Variants in PASK observed in about 807,000 individuals in gnomAD.
PASK encodes the protein PAS domain-containing serine/threonine-protein kinase.
In PASK, 110 loss-of-function variants were observed where a neutral mutation model predicts 121.0. The observed-to-expected ratio is 0.91, with a 90% confidence interval of 0.78 to 1.06. The LOEUF (loss-of-function observed/expected upper bound fraction) is 1.06, where lower values mean the gene tolerates loss of function less well. PASK is among the 50% of genes least tolerant of loss of function. The probability of loss-of-function intolerance (pLI) is 0.00; values close to 1 mark genes in which losing one functional copy is unlikely to be tolerated. For synonymous variants in PASK, 686 were observed against 717.8 expected (o/e 0.96, Z 0.71); for missense variants, 1,643 against 1,702.3 (o/e 0.97, Z 0.61).
chr2:241,131,139 G>C (rs1390940028), intron 9 of PASK, among the ~76,000 whole-genome samples: 3 of 151,116 alleles, frequency 2.0e-5, no homozygotes, highest in African/African-American at 7.3e-5. Context: ...AAACACATAT[G>C]CATGTATTAC....
rs775476953 is a variant in PASK, at chr2:241,115,288, C to G, written c.3198G>C (p.Lys1066Asn). Residue 1066 changes from lysine to asparagine, a missense_variant and splice_region_variant, in exon 13 of 18, where the codon AAG becomes AAC. By Grantham distance (94) the Lys-to-Asn change is moderately conservative (BLOSUM62 0). Transcript: ENST00000234040. Reference protein sequence around the residue: ...LSRVEHANIIKVLDIFENQGF... With the variant: ...LSRVEHANIINVLDIFENQGF... Reference sequence around the variant, plus strand: ...GTATCTCTGAAGAGGAAACCATCACCTTGATGATATTGGCGTGCTCCACCC... The same window carrying G: ...GTATCTCTGAAGAGGAAACCATCACGTTGATGATATTGGCGTGCTCCACCC... 1 of 1,613,926 alleles carries G rather than the reference C, an allele frequency of 6.2e-7. No homozygotes were observed. The highest frequency in any genetic ancestry group is 1.3e-5 in the African/African-American group (1 of 74,868).
At position 241,107,352 on chromosome 2, in the gene PASK, C is replaced by G; in HGVS notation, c.3814+1G>C. 6.2e-7 allele frequency: 1 copy of G among 1,613,684 alleles called. No individual in the cohort carries two copies. The highest frequency in any genetic ancestry group is 8.5e-7 in the Non-Finnish European group (1 of 1,179,602). On this transcript the variant is annotated splice_donor_variant, in intron 17 of 17. Transcript: ENST00000234040. LOFTEE classifies it high-confidence loss of function. ...GGTGGAGGGATGCTGAGAAGCCTCACCTGGCTTGTTTACTCGAAACACCTC... is the reference window on the plus strand; with the variant it reads ...GGTGGAGGGATGCTGAGAAGCCTCAGCTGGCTTGTTTACTCGAAACACCTC...
intron 9 of PASK, 115 bp from the exon 10 acceptor site, chr2:241,127,566 A>G: frequency 1.1e-6 from 1 of 912,298 alleles, no homozygotes; most frequent in South Asian, 1.4e-5. Flanking sequence ...ACCAATTTAT[A>G]ACAAGAAAAA....
rs1419940636 is a variant in PASK, at chr2:241,133,025, T to C, written c.1312A>G (p.Arg438Gly). The C allele has an allele frequency of 1.9e-6, 3 of 1,614,154 alleles. No individual in the cohort carries two copies. Among genetic ancestry groups the C allele is most frequent in the Non-Finnish European group, 2.5e-6 (3 of 1,179,998 alleles). ...QDPAEGGQDP[R>G]INVVLAGGHV... is the part of the protein sequence containing the mutation. ...CCACCAGCAAGCACGACATTAATCC[T>C]TGGATCTGGCAGCAACACCAAAAAA... The change falls in exon 9 of 18, where the codon AGG becomes GGG. Residue 438 changes from arginine to glycine, a missense_variant. This residue lies in a region of PASK where 1,176 missense variants were observed against 1,162.2 expected (regional missense o/e 1.01). Transcript: ENST00000234040.
At chr2:241,144,959 GGTGGA>G (rs774129814) in intron 1 of PASK, among the ~76,000 whole-genome samples, 1 of 152,124 alleles carries the variant, frequency 6.6e-6, no homozygotes, top group African/African-American at 2.4e-5. Context: ...TGTCGCCCAG[GGTGGA>G]GTGCAGTGGC....
At chr2:241,132,660 T>C (rs984116261) in intron 9 of PASK, among the ~76,000 whole-genome samples, 102 of 151,690 alleles carry the variant, frequency 6.7e-4, no homozygotes, top group African/African-American at 2.4e-3. Context: ...AGTAACACCA[T>C]GGTGCCCTCC....
chr2:241,131,293 C>T (rs945110381), intron 9 of PASK, among the ~76,000 whole-genome samples: 5 of 151,972 alleles, frequency 3.3e-5, no homozygotes, highest in African/African-American at 7.2e-5. Context: ...GGACTACAGG[C>T]GCCCGCCACC....
Position 241,135,971 on chromosome 2 carries a change from G to C in PASK, c.1206C>G (p.Leu402=). 1.2e-6 allele frequency: 2 copies of C among 1,613,804 alleles called. No homozygotes were observed. The highest frequency in any genetic ancestry group is 8.5e-7 in the Non-Finnish European group (1 of 1,179,640). Residue 402 remains leucine, a synonymous_variant, in exon 8 of 18, where the codon CTC becomes CTG. Coordinates refer to ENST00000234040, the MANE Select transcript of PASK (RefSeq NM_015148.4). ...MDLAYNSSLQ[L]PDLASCLDVG... Reference sequence around the variant, plus strand: ...CGTCCAGGCAGCTGGCCAGGTCTGGGAGCTGTAATGAGCTGTTGTACGCAA... The same window carrying C: ...CGTCCAGGCAGCTGGCCAGGTCTGGCAGCTGTAATGAGCTGTTGTACGCAA...
upstream of PASK, chr2:241,150,264 C>A: frequency 7.7e-7 from 1 of 1,292,714 alleles, no homozygotes; most frequent in Non-Finnish European, 9.8e-7. Context: ...CCCAGCTTCT[C>A]GCCTCCAGAC....
At chr2:241,139,331 G>A (rs772908084) in intron 4 of PASK, among the ~76,000 whole-genome samples, 7 of 152,152 alleles carry the variant, frequency 4.6e-5, no homozygotes, top group Non-Finnish European at 5.9e-5. Context: ...ACCGGCTGAC[G>A]AGGGGAAACC....
intron 14 of PASK, 71 bp downstream of exon 14, chr2:241,114,972 G>T: frequency 6.2e-7 from 1 of 1,612,944 alleles, no homozygotes; most frequent in South Asian, 1.1e-5. Context: ...ATGGATCACT[G>T]ATCTTTGCAG....
At position 241,123,982 on chromosome 2, in the gene PASK, G is replaced by A. The variant is rs768119964; in HGVS notation, c.2871C>T (p.Thr957=). The A allele has an allele frequency of 1.4e-5, 23 of 1,613,810 alleles. No homozygotes were observed. Among genetic ancestry groups the A allele is most frequent in the Middle Eastern group, 3.4e-4 (2 of 5,948 alleles). Residue 957 remains threonine, a synonymous_variant, in exon 11 of 18, where the codon ACC becomes ACT. Coordinates refer to ENST00000234040, the MANE Select transcript of PASK (RefSeq NM_015148.4). The part of the protein sequence containing the change: ...LASLPGSTHS[T]AAELTGPSLV... ...GGCTGGGTCCGGTGAGCTCAGCAGC[G>A]GTAGAGTGGGTGGAGCCGGGCAGGC...
At chr2:241,133,903 A>C (rs1284659137) in intron 8 of PASK, 5 of 151,208 alleles carry the variant, frequency 3.3e-5, no homozygotes, top group African/African-American at 4.9e-5. Context: ...AATCACCTGA[A>C]CCCAGGAGGC....
Position 241,143,080 on chromosome 2 carries a change from A to T in PASK, c.-42-6T>A. On this transcript the variant is annotated splice_polypyrimidine_tract_variant and splice_region_variant and intron_variant, in intron 1 of 17. Transcript: ENST00000234040. ...CAAGCTTCCAACTCTAACAACTAGA[A>T]AACAACATGAAGCTGATTAACATCT... 1.5e-6 allele frequency: 2 copies of T among 1,350,378 alleles called. No homozygotes were observed. The highest frequency in any genetic ancestry group is 2.1e-6 in the Non-Finnish European group (2 of 941,182). The allele number at this position is 1,350,378 out of a possible 1,614,324, so 83.6% of individuals were successfully genotyped here. A position where few individuals can be genotyped will look rare whatever the true frequency, so the allele number is the denominator to read the frequency against.
At chr2:241,143,595 A>T (rs966113028) in intron 1 of PASK, among the ~76,000 whole-genome samples, 2 of 152,128 alleles carry the variant, frequency 1.3e-5, no homozygotes, top group African/African-American at 4.8e-5. Flanking sequence ...AGAAAAATAC[A>T]TAGGAAGATA....
At chr2:241,119,430 G>A (rs999132942) in intron 12 of PASK, among the ~76,000 whole-genome samples, 4 of 151,568 alleles carry the variant, frequency 2.6e-5, no homozygotes, top group Non-Finnish European at 5.9e-5. Context: ...CCATGCTCTC[G>A]CTGGGCATGT....
In PASK at chr2:241,127,206, T is replaced by C. The variant is rs1396571943; in HGVS notation, c.1709A>G (p.Lys570Arg). Residue 570 changes from lysine (K) to arginine (R), a missense_variant, in exon 10 of 18, where the codon AAG (lysine) becomes AGG (arginine). Transcript: ENST00000234040. ...SDAGMCGLCQ[K>R]AQLERMGVSG... ...GACTCCCATCCGCTCTAGCTGGGCC[T>C]TCTGACACAGGCCACACATGCCAGC... 2 of 1,614,122 alleles carry C rather than the reference T, an allele frequency of 1.2e-6. No individual in the cohort carries two copies. The highest frequency in any genetic ancestry group is 1.7e-6 in the Non-Finnish European group (2 of 1,180,052).
rs2066658155 is a variant in PASK at position 241,140,618 on chromosome 2, A to G, written c.332T>C (p.Leu111Pro). 4.3e-6 allele frequency: 7 copies of G among 1,613,954 alleles called. No homozygotes were observed. The highest frequency in any genetic ancestry group is 5.9e-6 in the Non-Finnish European group (7 of 1,179,942). The change falls in exon 3 of 18, where the codon CTG becomes CCG. Residue 111 changes from leucine to proline, a missense_variant. Physicochemically the swap from Leu to Pro is moderately conservative, Grantham distance 98. Around this residue, in one of 3 missense-constraint regions of PASK, gnomAD observed 1,176 missense variants for 1,162.2 expected, o/e 1.01. Coordinates refer to ENST00000234040, the MANE Select transcript of PASK (RefSeq NM_015148.4). ...PRGSVSCCSL[L>P]RGLSSGWSSP... is the part of the protein sequence containing the mutation. ...GGACCACCCTGAGGACAGTCCCCGC[A>G]GCAGGGAGCAGCAGGACACACTGCC...
intron 12 of PASK, 64 bp downstream of exon 12, chr2:241,122,668 G>T: frequency 1.3e-6 from 2 of 1,498,136 alleles, no homozygotes; most frequent in East Asian, 2.3e-5. Context: ...TGAGAACTGG[G>T]ACCAAAAGTC....
Sources: gnomAD v4.1 joint callset for allele counts (sites outside exome capture counted in the v4.1 genomes callset) on GRCh38, gnomAD v4.1.1 for gene constraint, gnomAD v4.1.1 regional missense constraint, MANE v1.5 for transcripts, NCBI Gene and HGNC (gene_info 2026-07-23, HGNC 2026-07-21) for gene names.